The following IMMP2L variants were observed in gnomAD, a reference collection of about 807,000 sequenced individuals.
IMMP2L encodes the protein inner mitochondrial membrane peptidase subunit 2.
IMMP2L carries 18 observed loss-of-function variants against 19.3 expected under a neutral mutation model. The observed-to-expected ratio is 0.93, with a 90% CI of 0.64 to 1.38. The LOEUF (loss-of-function observed/expected upper bound fraction) is 1.38. Ranked by LOEUF, IMMP2L falls within the 40% of genes most tolerant of loss-of-function variation. IMMP2L has a pLI of 0.00. For synonymous variants in IMMP2L, 76 were observed against 73.0 expected, an observed-to-expected ratio of 1.04 and a Z score of -0.21; for missense variants, 233 against 218.2, an observed-to-expected ratio of 1.07 and a Z score of -0.43.
intron 3 of IMMP2L, among the ~76,000 whole-genome samples, chr7:111,179,705 T>C (rs2129610764): frequency 6.6e-6 from 1 of 152,234 alleles, no homozygotes; most frequent in Admixed American, 6.5e-5. Context: ...TCTCTCTAGC[T>C]ATCAAAGTCC....
At chr7:110,900,220 A>G (rs1454218030) in intron 4 of IMMP2L, among the ~76,000 whole-genome samples, 1 of 151,920 alleles carries the variant, frequency 6.6e-6, no homozygotes, top group Non-Finnish European at 1.5e-5. Flanking sequence ...TCAACTGAAG[A>G]GTCAATCCTC....
intron 3 of IMMP2L, among the ~76,000 whole-genome samples, chr7:111,340,052 CAT>C (rs1826858479): frequency 6.6e-6 from 1 of 151,674 alleles, no homozygotes; most frequent in Non-Finnish European, 1.5e-5. Flanking sequence ...TTCACTGTAA[CAT>C]ATTAAACATA....
intron 3 of IMMP2L, among the ~76,000 whole-genome samples, chr7:111,356,467 T>C (rs1026618890): frequency 2.6e-5 from 4 of 152,128 alleles, no homozygotes; most frequent in Admixed American, 6.6e-5. Context: ...TACACTATGT[T>C]ATATCAGGGA....
At chr7:110,939,963 TGA>T (rs1816557460) in intron 4 of IMMP2L, among the ~76,000 whole-genome samples, 1 of 152,194 alleles carries the variant, frequency 6.6e-6, no homozygotes, top group Admixed American at 6.5e-5. Flanking sequence ...CACCATTGAC[TGA>T]GAGAGTCTCC....
chr7:111,360,369 T>A (rs1397385505), intron 3 of IMMP2L, among the ~76,000 whole-genome samples: 3 of 152,182 alleles, frequency 2.0e-5, no homozygotes, highest in African/African-American at 2.4e-5. Flanking sequence ...AGGGGGTCCA[T>A]AAGGCCTCCC....
At chr7:111,226,241 C>T (rs1031953073) in intron 3 of IMMP2L, among the ~76,000 whole-genome samples, 3 of 152,008 alleles carry the variant, frequency 2.0e-5, no homozygotes, top group African/African-American at 7.3e-5. Flanking sequence ...GCAGTCTCGA[C>T]CTCCCAGATT....
chr7:111,082,855 C>CAAAAAAAA (rs59384730), intron 3 of IMMP2L, among the ~76,000 whole-genome samples: 62 of 71,166 alleles, frequency 8.7e-4, no homozygotes, highest in African/African-American at 2.3e-3. Context: ...GCGATTTTGC[C>CAAAAAAAA]AAAAAAAAAA....
intron 4 of IMMP2L, among the ~76,000 whole-genome samples, chr7:110,953,399 A>G (rs1818032187): frequency 6.6e-6 from 1 of 151,672 alleles, no homozygotes; most frequent in Non-Finnish European, 1.5e-5. Flanking sequence ...CCACCACTTA[A>G]TGAGTGAGAA....
At chr7:110,916,118 A>G (rs2129549496) in intron 4 of IMMP2L, among the ~76,000 whole-genome samples, 1 of 152,350 alleles carries the variant, frequency 6.6e-6, no homozygotes, top group East Asian at 1.9e-4. Flanking sequence ...TACAAAAAAT[A>G]AAAAGAATTA....
intron 3 of IMMP2L, among the ~76,000 whole-genome samples, chr7:111,180,336 A>C (rs1807564751): frequency 6.6e-6 from 1 of 151,962 alleles, no homozygotes; most frequent in Non-Finnish European, 1.5e-5. Flanking sequence ...GCCTAATTTC[A>C]ATATTGTTGT....
At chr7:111,054,047 T>TA (rs58399587) in intron 3 of IMMP2L, among the ~76,000 whole-genome samples, 2 of 152,124 alleles carry the variant, frequency 1.3e-5, no homozygotes, top group Non-Finnish European at 2.9e-5. Context: ...GACAGGAAAA[T>TA]AAAAAAAATG....
At chr7:111,554,616 TTTATTA>T (rs537769881) in intron 1 of IMMP2L, among the ~76,000 whole-genome samples, 1 of 151,378 alleles carries the variant, frequency 6.6e-6, no homozygotes. Context: ...TTATTTTTAT[TTTATTA>T]TTATTATTAT....
At chr7:110,867,526 A>G (rs1317950945) in intron 5 of IMMP2L, among the ~76,000 whole-genome samples, 1 of 152,112 alleles carries the variant, frequency 6.6e-6, no homozygotes, top group African/African-American at 2.4e-5. Context: ...TGTATGAACA[A>G]TAAAATGTCT....
intron 3 of IMMP2L, among the ~76,000 whole-genome samples, chr7:111,285,787 T>G (rs555976062): frequency 1.4e-4 from 21 of 152,344 alleles, no homozygotes; most frequent in Non-Finnish European, 2.9e-4. Flanking sequence ...CATATTTGTA[T>G]ACCCAACAGT....
chr7:110,736,379 A>G (rs1367521490), intron 5 of IMMP2L, among the ~76,000 whole-genome samples: 3 of 152,178 alleles, frequency 2.0e-5, no homozygotes. Context: ...AAGAACTTCC[A>G]CTAGGGCAAA....
intron 3 of IMMP2L, among the ~76,000 whole-genome samples, chr7:111,192,520 T>G (rs1809000398): frequency 6.6e-6 from 1 of 152,158 alleles, no homozygotes; most frequent in Non-Finnish European, 1.5e-5. Context: ...GTAAAATACT[T>G]AATCTTAATA....
At chr7:111,250,920 A>G (rs550248919) in intron 3 of IMMP2L, among the ~76,000 whole-genome samples, 46 of 152,296 alleles carry the variant, frequency 3.0e-4, no homozygotes, top group African/African-American at 1.1e-3. Flanking sequence ...CTAATCATCT[A>G]CAGAACTTCT....
intron 3 of IMMP2L, among the ~76,000 whole-genome samples, chr7:111,311,136 A>T (rs950947022): frequency 6.6e-6 from 1 of 152,130 alleles, no homozygotes; most frequent in African/African-American, 2.4e-5. Context: ...TCCATGGTTC[A>T]GAAAGCCAAT....
chr7:110,927,620 C>T (rs1052884981), intron 4 of IMMP2L, among the ~76,000 whole-genome samples: 1 of 152,016 alleles, frequency 6.6e-6, no homozygotes, highest in Non-Finnish European at 1.5e-5. Context: ...GCCAAGGAGC[C>T]AAGGAAGGTG....
Sources: allele counts gnomAD v4.1 joint callset (sites outside exome capture counted in the v4.1 genomes callset), GRCh38; gene constraint gnomAD v4.1.1; transcripts MANE v1.5; gene names NCBI Gene and HGNC (gene_info 2026-07-23, HGNC 2026-07-21).